Variants in MAGI1 observed in about 807,000 individuals in gnomAD.
MAGI1 encodes membrane-associated guanylate kinase, WW and PDZ domain-containing protein 1.
MAGI1 carries 58 observed loss-of-function variants against 139.9 expected under a neutral mutation model. The observed-to-expected ratio is 0.41, with a 90% confidence interval of 0.34 to 0.52. The LOEUF is 0.52. Ranked by LOEUF, MAGI1 falls within the 20% of genes least tolerant of loss-of-function variation. The pLI is 0.12. For synonymous variants in MAGI1, 812 were observed against 737.9 expected (o/e 1.10, Z -1.63); for missense variants, 1,874 against 1,901.6 (o/e 0.99, Z 0.27).
chr3:65,439,275 T>A (rs149711687), intron 9 of MAGI1, among the ~76,000 whole-genome samples: 4 of 152,208 alleles, frequency 2.6e-5, no homozygotes, highest in African/African-American at 4.8e-5. Context: ...TATATACGTA[T>A]AAATTATTAT....
At chr3:65,571,119 C>A (rs1348760284) in intron 2 of MAGI1, among the ~76,000 whole-genome samples, 3 of 152,134 alleles carry the variant, frequency 2.0e-5, no homozygotes, top group Non-Finnish European at 4.4e-5. Context: ...CAATTTTGAA[C>A]ATGAAATATT....
chr3:65,839,271 C>T (rs1251463513), intron 1 of MAGI1, among the ~76,000 whole-genome samples: 1 of 152,220 alleles, frequency 6.6e-6, no homozygotes, highest in Non-Finnish European at 1.5e-5. Flanking sequence ...AAAAAACCTA[C>T]TGTGCTGCCA....
At chr3:65,820,892 C>A (rs889814675) in intron 1 of MAGI1, among the ~76,000 whole-genome samples, 16 of 152,144 alleles carry the variant, frequency 1.1e-4, no homozygotes, top group African/African-American at 3.1e-4. Context: ...TCTCCTGACA[C>A]ACCAACAAAA....
At chr3:65,431,328 A>G (rs574300429) in intron 10 of MAGI1, among the ~76,000 whole-genome samples, 2 of 152,260 alleles carry the variant, frequency 1.3e-5, no homozygotes, top group Admixed American at 1.3e-4. Flanking sequence ...AACAGAACTA[A>G]TCAAACGGAA....
intron 1 of MAGI1, among the ~76,000 whole-genome samples, chr3:65,643,587 T>C (rs2085100713): frequency 6.6e-6 from 1 of 152,148 alleles, no homozygotes; most frequent in Admixed American, 6.6e-5. Flanking sequence ...ATGGGTTTTC[T>C]TTATGTCTCA....
At chr3:65,707,671 CAG>C (rs1269152267) in intron 1 of MAGI1, among the ~76,000 whole-genome samples, 1 of 121,892 alleles carries the variant, frequency 8.2e-6, no homozygotes, top group Non-Finnish European at 1.6e-5. Flanking sequence ...AACTGGGTGA[CAG>C]AGTGATACCC....
At chr3:65,724,003 T>C (rs2033340255) in intron 1 of MAGI1, among the ~76,000 whole-genome samples, 1 of 152,178 alleles carries the variant, frequency 6.6e-6, no homozygotes, top group African/African-American at 2.4e-5. Context: ...GACACATACA[T>C]CATCACTTCA....
intron 1 of MAGI1, among the ~76,000 whole-genome samples, chr3:65,963,293 C>T (rs1283987302): frequency 5.1e-5 from 6 of 117,008 alleles, no homozygotes; most frequent in Non-Finnish European, 8.7e-5. Context: ...GCCTGGTCAA[C>T]AGAGCGAGAC....
chr3:65,599,185 G>A (rs1453118350), intron 2 of MAGI1, among the ~76,000 whole-genome samples: 1 of 152,156 alleles, frequency 6.6e-6, no homozygotes, highest in African/African-American at 2.4e-5. Flanking sequence ...TATGTTGGGG[G>A]AGGCAATGCA....
chr3:65,956,641 T>A (rs1240743023), intron 1 of MAGI1, among the ~76,000 whole-genome samples: 2 of 152,126 alleles, frequency 1.3e-5, no homozygotes, highest in Non-Finnish European at 2.9e-5. Context: ...GGACGTTAAA[T>A]AATGGAAACC....
chr3:65,648,087 A>G (rs1264612143), intron 1 of MAGI1, among the ~76,000 whole-genome samples: 1 of 152,218 alleles, frequency 6.6e-6, no homozygotes, highest in African/African-American at 2.4e-5. Context: ...AAAGCCTCCT[A>G]GTACTAATAA....
intron 1 of MAGI1, among the ~76,000 whole-genome samples, chr3:65,948,968 A>C (rs1474987708): frequency 6.6e-6 from 1 of 152,226 alleles, no homozygotes. Context: ...AGCCTAAGAA[A>C]GGTGACAAGA....
At chr3:65,383,816 A>T (rs1054868682) in intron 14 of MAGI1, among the ~76,000 whole-genome samples, 193 bp from the exon 15 acceptor site, 1 of 152,242 alleles carries the variant, frequency 6.6e-6, no homozygotes, top group African/African-American at 2.4e-5. Flanking sequence ...GGGAATAGTC[A>T]CTGAGCCCTA....
intron 12 of MAGI1, among the ~76,000 whole-genome samples, chr3:65,410,726 C>T (rs11131018): frequency 0.3 from 46,311 of 151,900 alleles, 8,184 homozygotes; most frequent in South Asian, 0.44. Context: ...TTAACACATC[C>T]CTGATATTTT....
intron 1 of MAGI1, among the ~76,000 whole-genome samples, chr3:65,725,207 G>C (rs2033471745): frequency 6.6e-6 from 1 of 152,132 alleles, no homozygotes; most frequent in African/African-American, 2.4e-5. Context: ...ACAGTACAAT[G>C]GTTAAGTGCA....
intron 2 of MAGI1, among the ~76,000 whole-genome samples, chr3:65,606,456 T>C (rs2082745051): frequency 6.6e-6 from 1 of 152,126 alleles, no homozygotes; most frequent in Non-Finnish European, 1.5e-5. Flanking sequence ...TCCTCCCACC[T>C]TAGCCCCCAG....
chr3:65,370,956 T>C (rs1386280269), intron 18 of MAGI1, among the ~76,000 whole-genome samples: 2 of 152,366 alleles, frequency 1.3e-5, no homozygotes, highest in African/African-American at 4.8e-5. Context: ...TGCACCCAGC[T>C]GTGTATTTTA....
intron 1 of MAGI1, among the ~76,000 whole-genome samples, chr3:65,738,007 T>A (rs2034925230): frequency 6.6e-6 from 1 of 152,202 alleles, no homozygotes; most frequent in South Asian, 2.1e-4. Flanking sequence ...ACTAGTGCTT[T>A]CAAAGCCCTC....
At chr3:65,391,023 T>C in intron 14 of MAGI1, 119 bp downstream of exon 14, 1 of 819,406 alleles carries the variant, frequency 1.2e-6, no homozygotes, top group Non-Finnish European at 2.0e-6. Context: ...TTTTGCATCT[T>C]GCGGATTTCA....
Sources: gnomAD v4.1 joint callset for allele counts (sites outside exome capture counted in the v4.1 genomes callset) on GRCh38, gnomAD v4.1.1 for gene constraint, MANE v1.5 for transcripts, NCBI Gene and HGNC (gene_info 2026-07-23, HGNC 2026-07-21) for gene names.